The following CALD1 variants were observed in gnomAD, a reference collection of about 807,000 sequenced individuals.
CALD1 encodes caldesmon.
In CALD1, 33 loss-of-function variants were observed where a neutral mutation model predicts 99.9. That is an observed-to-expected ratio of 0.33 (90% CI 0.25 to 0.44). CALD1 has a LOEUF of 0.44. Ranked by LOEUF, CALD1 falls within the 20% of genes least tolerant of loss-of-function variation. The pLI is 1.00. For missense variants in CALD1, 861 were observed against 962.1 expected (o/e 0.89, Z 1.39); for synonymous variants, 310 against 325.0 (o/e 0.95, Z 0.50).
chr7:134,884,620 T>G (rs1428054651), intron 3 of CALD1, among the ~76,000 whole-genome samples: 1 of 131,016 alleles, frequency 7.6e-6, no homozygotes, highest in Non-Finnish European at 1.6e-5. Context: ...GGTGCAGAAC[T>G]GTTATGAATA....
intron 1 of CALD1, among the ~76,000 whole-genome samples, chr7:134,800,711 T>C (rs1797911432): frequency 6.6e-6 from 1 of 152,072 alleles, no homozygotes; most frequent in Non-Finnish European, 1.5e-5. Context: ...TATTTGTTAT[T>C]ATGGATTATG....
chr7:134,722,588 A>T, the CALD1 span, among the ~76,000 whole-genome samples: 4 of 151,696 alleles, frequency 2.6e-5, no homozygotes, highest in Non-Finnish European at 2.9e-5. Flanking sequence ...CACCTGGCTA[A>T]TTTTTGTATT....
chr7:134,961,961 T>C (rs1210818028), intron 13 of CALD1: 3 of 151,970 alleles, frequency 2.0e-5, no homozygotes, highest in Non-Finnish European at 4.4e-5. Flanking sequence ...CTAATGAAAT[T>C]TAAGGACCCT....
At chr7:134,963,830 G>A (rs939864149) in intron 13 of CALD1, among the ~76,000 whole-genome samples, 1 of 152,194 alleles carries the variant, frequency 6.6e-6, no homozygotes, top group Non-Finnish European at 1.5e-5. Context: ...AGGTTCTACT[G>A]ATCCACTTCT....
chr7:134,755,289 C>T (rs750670860), intron 1 of CALD1, among the ~76,000 whole-genome samples: 6 of 152,206 alleles, frequency 3.9e-5, no homozygotes, highest in African/African-American at 1.4e-4. Flanking sequence ...GCGTGAGCCA[C>T]CATGCCCGGC....
At chr7:134,763,110 G>A (rs1796793457) in intron 1 of CALD1, among the ~76,000 whole-genome samples, 1 of 151,812 alleles carries the variant, frequency 6.6e-6, no homozygotes, top group African/African-American at 2.4e-5. Flanking sequence ...CTATCTAATC[G>A]ATCTCTCAGT....
chr7:134,891,577 G>A (rs967143769), intron 3 of CALD1: 3 of 1,584,846 alleles, frequency 1.9e-6, no homozygotes, highest in South Asian at 2.3e-5. Flanking sequence ...GCCTGGCCAG[G>A]TCTCCGTATC....
intron 1 of CALD1, among the ~76,000 whole-genome samples, chr7:134,765,145 T>A (rs1396684049): frequency 6.6e-6 from 1 of 152,018 alleles, no homozygotes; most frequent in Non-Finnish European, 1.5e-5. Flanking sequence ...TGAAACCCTG[T>A]CTCTACTAAA....
At chr7:134,884,599 A>G (rs1390059663) in intron 3 of CALD1, among the ~76,000 whole-genome samples, 1 of 150,430 alleles carries the variant, frequency 6.6e-6, no homozygotes, top group Non-Finnish European at 1.5e-5. Flanking sequence ...ACCTCCCAAG[A>G]TCCAATTTCT....
intron 2 of CALD1, among the ~76,000 whole-genome samples, chr7:134,860,314 A>C (rs1263217650): frequency 6.6e-6 from 1 of 152,222 alleles, no homozygotes; most frequent in East Asian, 1.9e-4. Context: ...GAAAAGAGCA[A>C]AGTGGGTTGA....
chr7:134,954,592 G>C (rs1300300619), intron 9 of CALD1, among the ~76,000 whole-genome samples: 1 of 152,186 alleles, frequency 6.6e-6, no homozygotes, highest in African/African-American at 2.4e-5. Context: ...AGCTATGATA[G>C]AAGCAAAAGG....
chr7:134,719,414 T>C, the CALD1 span, among the ~76,000 whole-genome samples: 1 of 152,168 alleles, frequency 6.6e-6, no homozygotes, highest in Non-Finnish European at 1.5e-5. Context: ...CCAGAGGAAC[T>C]TGGTGTAGAC....
chr7:134,867,869 G>C, intron 3 of CALD1, 65 bp downstream of exon 3: 1 of 1,039,892 alleles, frequency 9.6e-7, no homozygotes, highest in Non-Finnish European at 1.4e-6. Flanking sequence ...AGGCCTCAAA[G>C]ACCATCCTTT....
At chr7:134,861,941 T>C (rs1220098155) in intron 2 of CALD1, among the ~76,000 whole-genome samples, 1 of 152,118 alleles carries the variant, frequency 6.6e-6, no homozygotes, top group Non-Finnish European at 1.5e-5. Flanking sequence ...AACTAAGATA[T>C]TGAAGAAAAG....
intron 4 of CALD1, among the ~76,000 whole-genome samples, chr7:134,930,922 G>A (rs1193433210): frequency 6.6e-6 from 1 of 152,064 alleles, no homozygotes; most frequent in African/African-American, 2.4e-5. Flanking sequence ...TTTTAAAAAT[G>A]GCATTTTGAT....
chr7:134,850,113 C>T (rs926886929), intron 2 of CALD1, among the ~76,000 whole-genome samples: 1 of 152,114 alleles, frequency 6.6e-6, no homozygotes, highest in Non-Finnish European at 1.5e-5. Flanking sequence ...AATCAGTTTG[C>T]CAAGGCACAA....
intron 3 of CALD1, among the ~76,000 whole-genome samples, chr7:134,912,989 G>A (rs1414942007): frequency 6.6e-6 from 1 of 152,202 alleles, no homozygotes; most frequent in Non-Finnish European, 1.5e-5. Flanking sequence ...GCGGGGCTGA[G>A]CGTGGTGGCT....
At chr7:134,750,064 A>G (rs1275562482) in intron 1 of CALD1, among the ~76,000 whole-genome samples, 1 of 152,012 alleles carries the variant, frequency 6.6e-6, no homozygotes, top group Non-Finnish European at 1.5e-5. Flanking sequence ...CAAGACACAG[A>G]CCAACTATCT....
the CALD1 span, chr7:134,734,891 G>A: frequency 6.3e-6 from 1 of 158,646 alleles, no homozygotes; most frequent in Non-Finnish European, 1.4e-5. Context: ...CCCAGTAACA[G>A]AAGGCTCTAA....
Sources: allele counts gnomAD v4.1 joint callset (sites outside exome capture counted in the v4.1 genomes callset), GRCh38; gene constraint gnomAD v4.1.1; transcripts MANE v1.5; gene names NCBI Gene and HGNC (gene_info 2026-07-23, HGNC 2026-07-21).